CCND2: variants seen among roughly 807,000 people sequenced by gnomAD.
The protein encoded by CCND2 is cyclin D2.
Under a neutral mutation model 30.2 loss-of-function variants are expected in CCND2, and 6 were observed. The ratio of observed to expected loss-of-function variants is 0.20; its 90% confidence interval spans 0.11 to 0.39. The LOEUF is 0.39. Ranked by LOEUF, CCND2 falls within the 10% of genes least tolerant of loss-of-function variation. The pLI, the probability that CCND2 is intolerant of heterozygous loss-of-function variation, is 1.00. For synonymous variants in CCND2, 150 were observed against 153.1 expected (o/e 0.98, Z 0.15); for missense variants, 235 against 373.4 (o/e 0.63, Z 3.06).
At chr12:4,275,865 C>A (rs1041618946) in intron 1 of CCND2, 140 bp from the exon 2 acceptor site, 5 of 572,634 alleles carry the variant, frequency 8.7e-6, no homozygotes, top group African/African-American at 1.9e-5. Context: ...TCTTATCACG[C>A]ATTCTGGTCC....
Position 4,274,095 on chromosome 12 carries a change from A to G in CCND2, c.55A>G (p.Asn19Asp). 6.2e-7 allele frequency: 1 copy of G among 1,613,832 alleles called. No individual in the cohort carries two copies. The highest frequency in any genetic ancestry group is 8.5e-7 in the Non-Finnish European group (1 of 1,179,938). Residue 19 changes from asparagine (N) to aspartate (D), a missense_variant, in exon 1 of 5, where the codon AAC becomes GAC. Asn to Asp is a conservative substitution (Grantham distance 23, BLOSUM62 1). Coordinates refer to ENST00000261254, the MANE Select transcript of CCND2 (RefSeq NM_001759.4). This position sits in a 1 kb window ranked among gnomAD's most constrained non-coding sequence, Gnocchi z 7.7. ...GGTCCGCAGGGCCGTGCGGGACCGC[A>G]ACCTGCTCCGAGACGACCGCGTCCT... is the stretch of plus-strand genomic sequence containing the variant. ...DPVRRAVRDR[N>D]LLRDDRVLQN...
At chr12:4,278,685 C>T (rs528954610) in intron 2 of CCND2, 75 bp from the exon 3 acceptor site, 2 of 1,516,682 alleles carry the variant, frequency 1.3e-6, no homozygotes, top group Admixed American at 1.8e-5. Context: ...GTCTGGAGCC[C>T]AACCCCCAGC....
At chr12:4,296,547 C>T (rs889188375) in intron 4 of CCND2, among the ~76,000 whole-genome samples, 10 of 152,264 alleles carry the variant, frequency 6.6e-5, no homozygotes, top group Admixed American at 2.6e-4. Flanking sequence ...CTCAGTCAGC[C>T]GAGAATCCTG....
rs1214085699 is a variant in CCND2 at position 4,300,000 on chromosome 12, C to T, written c.861C>T (p.Ile287=). 4 of 1,613,526 alleles carry T rather than the reference C, an allele frequency of 2.5e-6. No individual in the cohort carries two copies. Among genetic ancestry groups the T allele is most frequent in the South Asian group, 1.1e-5 (1 of 91,004 alleles). ...QASTPTDVRD[I]DL ...GCACCCCTACAGACGTGCGGGATAT[C>T]GACCTGTGAGGATGCCAGTTGGGCC... The change falls in exon 5 of 5, where the codon ATC becomes ATT. Residue 287 remains isoleucine (I), a synonymous_variant. Transcript: ENST00000261254. This position sits in a 1 kb window ranked among gnomAD's most constrained non-coding sequence, Gnocchi z 5.2.
chr12:4,278,975 CG>C, intron 3 of CCND2, 56 bp downstream of exon 3: 1 of 1,543,506 alleles, frequency 6.5e-7, no homozygotes, highest in Non-Finnish European at 8.8e-7. Context: ...GGGAGATGTC[CG>C]GGGAGAGGCA....
chr12:4,282,673 T>A lies in CCND2; in HGVS notation c.571+3754T>A, dbSNP rs1394945155. Reference sequence around the variant, plus strand: ...CAGCCAGGCAGTGTGGTGCTTGCCATCGCTCTTCCCTCTGGCTGTAAGATG... The same window carrying A: ...CAGCCAGGCAGTGTGGTGCTTGCCAACGCTCTTCCCTCTGGCTGTAAGATG... On this transcript the variant is annotated intron_variant, in intron 3 of 4. Transcript: ENST00000261254. This position sits in a 1 kb window ranked among gnomAD's most constrained non-coding sequence, Gnocchi z 4.3. Among the ~76,000 whole-genome samples the A allele has an allele frequency of 3.3e-5, 5 of 152,146 alleles. No individual in the cohort carries two copies. Among genetic ancestry groups the A allele is most frequent in the African/African-American group, 1.2e-4 (5 of 41,432 alleles).
At chr12:4,277,231 C>A (rs1863887099) in intron 2 of CCND2, among the ~76,000 whole-genome samples, 2 of 152,178 alleles carry the variant, frequency 1.3e-5, no homozygotes, top group Admixed American at 6.5e-5. Context: ...CTGGTTTGGT[C>A]CGAGAGGCCT....
intron 3 of CCND2, among the ~76,000 whole-genome samples, chr12:4,286,235 G>T (rs1019040530): frequency 6.6e-6 from 1 of 152,188 alleles, no homozygotes; most frequent in East Asian, 1.9e-4. Flanking sequence ...AACAACAACA[G>T]AAAGTGCTGG....
In CCND2 at chr12:4,280,626, T is replaced by A. The variant is rs1274104530; in HGVS notation, c.571+1707T>A. Among the ~76,000 whole-genome samples the A allele has an allele frequency of 4.6e-3, 699 of 152,296 alleles. 12 individuals are homozygous for A. The highest frequency in any genetic ancestry group is 0.016 in the African/African-American group (676 of 41,538). ...CGGGCCCGAGAGGTCAGTCCTCCAG[T>A]GACCTGTCATTTTGTCTCCCAGGCT... On this transcript the variant is annotated intron_variant, in intron 3 of 4. Transcript: ENST00000261254.
chr12:4,297,985 C>T (rs375979416), intron 4 of CCND2: 1 of 273,406 alleles, frequency 3.7e-6, no homozygotes, highest in East Asian at 8.7e-5. Context: ...CTTCATTAGT[C>T]TTGACTAAAT....
chr12:4,296,124 G>C (rs1025277587), intron 4 of CCND2, among the ~76,000 whole-genome samples: 1 of 152,224 alleles, frequency 6.6e-6, no homozygotes, highest in South Asian at 2.1e-4. Flanking sequence ...GGGAAGACGC[G>C]CATGGCCTGA....
intron 3 of CCND2, among the ~76,000 whole-genome samples, chr12:4,281,498 C>G (rs974292209): frequency 6.6e-6 from 1 of 152,088 alleles, no homozygotes; most frequent in Non-Finnish European, 1.5e-5. Flanking sequence ...TTCCCCAACC[C>G]GAGCTGTTGC....
chr12:4,289,405 G>C (rs1181213509), intron 4 of CCND2, among the ~76,000 whole-genome samples: 2 of 152,188 alleles, frequency 1.3e-5, no homozygotes, highest in African/African-American at 4.8e-5. Flanking sequence ...CCAGGACTCA[G>C]CTGCAGTGGA....
chr12:4,291,990 G>A (rs1268445799), intron 4 of CCND2, among the ~76,000 whole-genome samples: 1 of 152,170 alleles, frequency 6.6e-6, no homozygotes, highest in Non-Finnish European at 1.5e-5. Context: ...TGCGTACGGA[G>A]TTTCAGTTTG....
chr12:4,275,347 T>G (rs1863853925), intron 1 of CCND2: 1 of 151,822 alleles, frequency 6.6e-6, no homozygotes, highest in Non-Finnish European at 1.5e-5. Context: ...TTCTTTGGGG[T>G]TTTCACGCCA....
rs184590007 is a variant in CCND2 at position 4,276,190 on chromosome 12, C to G, written c.381C>G (p.Thr127=). ...CCGCGGAGAAGCTGTGCATTTACAC[C>G]GACAACTCCATCAAGCCTCAGGAGC... The part of the protein sequence containing the change: ...PLTAEKLCIY[T]DNSIKPQELL... The change falls in exon 2 of 5, where the codon ACC becomes ACG. Residue 127 remains threonine (T), a synonymous_variant. Coordinates refer to ENST00000261254, the MANE Select transcript of CCND2 (RefSeq NM_001759.4). The surrounding 1 kb of genome is among the most constrained non-coding windows in gnomAD (Gnocchi z 4.8). 4 of 1,614,000 alleles carry G rather than the reference C, an allele frequency of 2.5e-6. No homozygotes were observed. In the South Asian group the frequency reaches 3.3e-5, roughly 13 times the overall value.
At chr12:4,298,876 G>A (rs541284152) in intron 4 of CCND2, among the ~76,000 whole-genome samples, 1 of 152,174 alleles carries the variant, frequency 6.6e-6, no homozygotes, top group Non-Finnish European at 1.5e-5. Flanking sequence ...CCTAAGAGAA[G>A]CTCCTGCCTG....
Position 4,274,093 on chromosome 12 carries a change from G to A in CCND2, c.53G>A (p.Arg18His), listed in dbSNP as rs753037343. ...CCGGTCCGCAGGGCCGTGCGGGACC[G>A]CAACCTGCTCCGAGACGACCGCGTC... ...VDPVRRAVRD[R>H]NLLRDDRVLQ... is the part of the protein sequence containing the mutation. Residue 18 changes from arginine to histidine, a missense_variant, in exon 1 of 5, where the codon CGC (arginine) becomes CAC (histidine). By Grantham distance (29) the Arg-to-His change is conservative. Coordinates refer to ENST00000261254, the MANE Select transcript of CCND2 (RefSeq NM_001759.4). This position sits in a 1 kb window ranked among gnomAD's most constrained non-coding sequence, Gnocchi z 7.7. 1.2e-6 allele frequency: 2 copies of A among 1,613,556 alleles called. No homozygotes were observed. The highest frequency in any genetic ancestry group is 1.3e-5 in the African/African-American group (1 of 74,926).
Position 4,300,079 on chromosome 12 carries a change from G to C in CCND2, c.*70G>C. 1 of 1,456,410 alleles carries C rather than the reference G, an allele frequency of 6.9e-7. No homozygotes were observed. The highest frequency in any genetic ancestry group is 9.2e-7 in the Non-Finnish European group (1 of 1,089,426). 90.2% of individuals were successfully genotyped at this position (1,456,410 alleles called of 1,614,324 possible). ...TCTCTTCTTCTTTCTGGTTGTTTTT[G>C]TTCTTTGTGTTTTAGGGTGAAACTT... On this transcript the variant is annotated 3_prime_UTR_variant, in exon 5 of 5. Transcript: ENST00000261254.
Sources: allele counts gnomAD v4.1 joint callset (sites outside exome capture counted in the v4.1 genomes callset), GRCh38; gene constraint gnomAD v4.1.1; non-coding constraint Gnocchi (gnomAD v3.1); transcripts MANE v1.5; gene names NCBI Gene and HGNC (gene_info 2026-07-23, HGNC 2026-07-21).